Variants in COLQ observed in about 807,000 individuals in gnomAD.
The protein encoded by COLQ is acetylcholinesterase collagenic tail peptide.
A neutral mutation model predicts 69.0 loss-of-function variants in COLQ; 48 were observed. The observed-to-expected ratio is 0.70, with a 90% CI of 0.55 to 0.88. The LOEUF (loss-of-function observed/expected upper bound fraction) is 0.88, where lower values mean the gene tolerates loss of function less well. COLQ is among the 40% of genes least tolerant of loss of function. The probability of loss-of-function intolerance (pLI) is 0.00; values close to 1 mark genes in which losing one functional copy is unlikely to be tolerated. For synonymous variants in COLQ, 217 were observed against 211.2 expected, an observed-to-expected ratio of 1.03 and a Z score of -0.24; for missense variants, 618 against 594.6, an observed-to-expected ratio of 1.04 and a Z score of -0.41.
intron 3 of COLQ, 130 bp downstream of exon 3, chr3:15,488,076 G>C (rs745563473): frequency 1.6e-5 from 11 of 695,894 alleles, no homozygotes; most frequent in Non-Finnish European, 2.4e-5. Context: ...CTTTGGAGCA[G>C]GAAGTAAGCG....
intron 15 of COLQ, 35 bp downstream of exon 15, chr3:15,455,864 A>G: frequency 3.1e-6 from 5 of 1,613,616 alleles, no homozygotes; most frequent in Non-Finnish European, 4.2e-6. Flanking sequence ...CCTGCTGTTC[A>G]GGCCTCAGGT....
chr3:15,455,456 T>C (rs1169614397), intron 15 of COLQ, among the ~76,000 whole-genome samples: 1 of 152,202 alleles, frequency 6.6e-6, no homozygotes, highest in Non-Finnish European at 1.5e-5. Flanking sequence ...GCTGGCCCAG[T>C]TTCCCCTACG....
At chr3:15,499,028 C>A (rs937285796) in intron 1 of COLQ, among the ~76,000 whole-genome samples, 12 of 152,026 alleles carry the variant, frequency 7.9e-5, no homozygotes, top group Non-Finnish European at 1.6e-4. Context: ...CAACCCCCCA[C>A]CGAGACCGTC....
At chr3:15,457,567 G>GT (rs1341206919) in intron 13 of COLQ, among the ~76,000 whole-genome samples, 1 of 152,068 alleles carries the variant, frequency 6.6e-6, no homozygotes, top group East Asian at 1.9e-4. Context: ...AGTTTAAAAT[G>GT]TTATTTATAG....
chr3:15,473,932 T>A lies in COLQ; in HGVS notation c.636+68A>T. ...CCTGATAGACAAGGAGGCAGAGTTC[T>A]TTTTGTTGTGCTTGGAGGACCTGAT... On this transcript the variant is annotated intron_variant, in intron 10 of 16. Transcript: ENST00000383788. The surrounding 1 kb of genome is among the most constrained non-coding windows in gnomAD (Gnocchi z 4.0). 6.4e-7 allele frequency: 1 copy of A among 1,551,328 alleles called. No homozygotes were observed. Among genetic ancestry groups the A allele is most frequent in the Non-Finnish European group, 8.9e-7 (1 of 1,124,658 alleles).
At chr3:15,506,126 C>T (rs767501703) in intron 1 of COLQ, among the ~76,000 whole-genome samples, 4 of 152,210 alleles carry the variant, frequency 2.6e-5, no homozygotes, top group African/African-American at 4.8e-5. Flanking sequence ...TCCCTTTGGA[C>T]TCAGTTGAGC....
chr3:15,497,861 A>G (rs1008169983), intron 1 of COLQ, among the ~76,000 whole-genome samples: 5 of 152,206 alleles, frequency 3.3e-5, no homozygotes, highest in African/African-American at 1.2e-4. Context: ...CATGTTCCAG[A>G]GAAGGCTGCA....
At position 15,494,315 on chromosome 3, in the gene COLQ, G is replaced by A. The variant is rs115282582; in HGVS notation, c.107-4678C>T. 8.6e-3 allele frequency among the ~76,000 whole-genome samples: 1,302 copies of A among 152,192 alleles called. 17 individuals carry two copies. The highest frequency in any genetic ancestry group is 0.027 in the African/African-American group (1,136 of 41,528). On this transcript the variant is annotated intron_variant, in intron 1 of 16. Transcript: ENST00000383788. ...AGAATGGGAGCATGCAGCAGGGCAC[G>A]GGACAGGAAGGGAGGGACTGATGCA...
At chr3:15,510,957 G>C (rs2062978044) in intron 1 of COLQ, among the ~76,000 whole-genome samples, 1 of 152,204 alleles carries the variant, frequency 6.6e-6, no homozygotes, top group Non-Finnish European at 1.5e-5. Context: ...ATCCAGAGCT[G>C]TGTGAATGGG....
chr3:15,491,178 C>T (rs1406297590), intron 1 of COLQ, among the ~76,000 whole-genome samples: 1 of 151,092 alleles, frequency 6.6e-6, no homozygotes, highest in Non-Finnish European at 1.5e-5. Context: ...CTTGAAATGG[C>T]CCTAAAAAAA....
chr3:15,451,570 C>T lies in COLQ; in HGVS notation c.*74G>A, dbSNP rs1231333034. 3 of 1,395,764 alleles carry T rather than the reference C, an allele frequency of 2.1e-6. No individual in the cohort carries two copies. Among genetic ancestry groups the T allele is most frequent in the East Asian group, 4.6e-5 (2 of 43,858 alleles). The allele number at this position is 1,395,764 out of a possible 1,614,324, so 86.5% of individuals were successfully genotyped here. A position where few individuals can be genotyped will look rare whatever the true frequency, so the allele number is the denominator to read the frequency against. On this transcript the variant is annotated 3_prime_UTR_variant, in exon 17 of 17. Transcript: ENST00000383788. ...AAGGTTGGTGGAGACGGGGCCAGGACATGGCCAGTTTGATGACAGTGGAGA... is the reference window on the plus strand; with the variant it reads ...AAGGTTGGTGGAGACGGGGCCAGGATATGGCCAGTTTGATGACAGTGGAGA...
chr3:15,454,584 G>A (rs554440636), intron 15 of COLQ, among the ~76,000 whole-genome samples: 6 of 151,474 alleles, frequency 4.0e-5, no homozygotes, highest in East Asian at 1.9e-4. Context: ...GAGACAGTTC[G>A]GCCACACTGA....
intron 16 of COLQ, among the ~76,000 whole-genome samples, chr3:15,453,003 A>G (rs748578672): frequency 1.3e-5 from 2 of 152,172 alleles, no homozygotes; most frequent in Non-Finnish European, 2.9e-5. Context: ...GCACCAGTAG[A>G]TCCACTCTGG....
chr3:15,459,102 C>T (rs2062067842), intron 12 of COLQ, among the ~76,000 whole-genome samples: 2 of 152,142 alleles, frequency 1.3e-5, no homozygotes, highest in South Asian at 4.1e-4. Flanking sequence ...CCTCAGCCTC[C>T]CAAAGTGCTG....
intron 1 of COLQ, among the ~76,000 whole-genome samples, chr3:15,506,392 A>G (rs970688706): frequency 6.6e-6 from 1 of 152,196 alleles, no homozygotes; most frequent in African/African-American, 2.4e-5. Context: ...AAACATACAA[A>G]CAAGTATACA....
chr3:15,455,359 CA>C (rs79782405), intron 15 of COLQ, among the ~76,000 whole-genome samples: 33,510 of 152,068 alleles, frequency 0.22, 4,727 homozygotes, highest in South Asian at 0.38. Flanking sequence ...TGATTAAAAA[CA>C]AAAACAAAAA....
chr3:15,456,326 G>A (rs574707779), intron 14 of COLQ, 134 bp downstream of exon 14: 130 of 1,211,584 alleles, frequency 1.1e-4, no homozygotes, highest in Non-Finnish European at 1.4e-4. Flanking sequence ...TTTGAGGGAG[G>A]ATGCTCAGCC....
Position 15,473,906 on chromosome 3 carries a change from G to T in COLQ, c.636+94C>A. 2 of 1,374,646 alleles carry T rather than the reference G, an allele frequency of 1.5e-6. No homozygotes were observed. Among genetic ancestry groups the T allele is most frequent in the Non-Finnish European group, 1.0e-6 (1 of 970,508 alleles). 85.2% of individuals were successfully genotyped at this position (1,374,646 alleles called of 1,614,324 possible). On this transcript the variant is annotated intron_variant, in intron 10 of 16. Transcript: ENST00000383788. The surrounding 1 kb of genome is among the most constrained non-coding windows in gnomAD (Gnocchi z 4.0). ...TTCCATGGTTAAACCCACCATCCCTGCCTGATAGACAAGGAGGCAGAGTTC... is the reference window on the plus strand; with the variant it reads ...TTCCATGGTTAAACCCACCATCCCTTCCTGATAGACAAGGAGGCAGAGTTC...
chr3:15,474,216 T>C lies in COLQ; in HGVS notation c.600+12A>G. On this transcript the variant is annotated intron_variant, in intron 9 of 16. Coordinates refer to ENST00000383788, the MANE Select transcript of COLQ (RefSeq NM_005677.4). The stretch of plus-strand genomic sequence containing the variant: ...ACATTTATCATTTCTATGGAAAGGT[T>C]TTCTCCATTACCTTTTCTCCTTTGG... 1 of 1,613,866 alleles carries C rather than the reference T, an allele frequency of 6.2e-7. No homozygotes were observed. The highest frequency in any genetic ancestry group is 8.5e-7 in the Non-Finnish European group (1 of 1,179,738).
Sources: allele counts gnomAD v4.1 joint callset (sites outside exome capture counted in the v4.1 genomes callset), GRCh38; gene constraint gnomAD v4.1.1; non-coding constraint Gnocchi (gnomAD v3.1); transcripts MANE v1.5; gene names NCBI Gene and HGNC (gene_info 2026-07-23, HGNC 2026-07-21).